The following CSNK1G1 variants were observed in gnomAD, a reference collection of about 807,000 sequenced individuals.
The protein encoded by CSNK1G1 is casein kinase I isoform gamma-1.
In CSNK1G1, 22 loss-of-function variants were observed where a neutral mutation model predicts 59.6. The observed-to-expected ratio is 0.37, with a 90% CI of 0.26 to 0.53. The LOEUF (loss-of-function observed/expected upper bound fraction) is 0.53. Among genes scored for constraint, CSNK1G1 ranks in the 20% least tolerant of loss-of-function variants. CSNK1G1 has a pLI of 0.89. For missense variants in CSNK1G1, 384 were observed against 519.5 expected, an observed-to-expected ratio of 0.74 and a Z score of 2.54; for synonymous variants, 179 against 177.1, an observed-to-expected ratio of 1.01 and a Z score of -0.08.
intron 2 of CSNK1G1, among the ~76,000 whole-genome samples, chr15:64,289,206 T>C (rs1306192485): frequency 6.7e-6 from 1 of 149,872 alleles, no homozygotes; most frequent in African/African-American, 2.5e-5. Flanking sequence ...AATTCCGGAA[T>C]TGTTTGGCAA....
At chr15:64,183,982 C>G (rs575913821) in intron 10 of CSNK1G1, among the ~76,000 whole-genome samples, 3 of 152,176 alleles carry the variant, frequency 2.0e-5, no homozygotes, top group Admixed American at 6.5e-5. Flanking sequence ...AGTGATCTGG[C>G]TGGTATTTTT....
At chr15:64,286,383 C>T (rs1894423270) in intron 2 of CSNK1G1, among the ~76,000 whole-genome samples, 2 of 151,748 alleles carry the variant, frequency 1.3e-5, no homozygotes, top group South Asian at 4.2e-4. Flanking sequence ...ATATTGTTAA[C>T]AATATATTGT....
intron 1 of CSNK1G1, among the ~76,000 whole-genome samples, chr15:64,330,066 A>G (rs998322465): frequency 1.4e-5 from 2 of 141,334 alleles, no homozygotes; most frequent in African/African-American, 5.3e-5. Flanking sequence ...CCAGGACCAG[A>G]TGGATTCACA....
At chr15:64,270,560 C>T (rs1199797405) in intron 2 of CSNK1G1, among the ~76,000 whole-genome samples, 3 of 152,026 alleles carry the variant, frequency 2.0e-5, no homozygotes, top group African/African-American at 7.3e-5. Context: ...GAGATCGAGA[C>T]CATCCTGGCC....
chr15:64,225,008 T>A (rs2033899789), intron 4 of CSNK1G1, among the ~76,000 whole-genome samples: 1 of 141,768 alleles, frequency 7.1e-6, no homozygotes, highest in South Asian at 2.2e-4. Flanking sequence ...ACACTTTTCT[T>A]TTTTTTTTTT....
In CSNK1G1 at chr15:64,326,085, C is replaced by A. The variant is rs75729821; in HGVS notation, c.-224-25362G>T. Among the ~76,000 whole-genome samples the A allele has an allele frequency of 1.9e-3, 288 of 152,320 alleles. 2 individuals are homozygous for A. Among genetic ancestry groups the A allele is most frequent in the East Asian group, 0.016 (83 of 5,176 alleles). On this transcript the variant is annotated intron_variant, in intron 1 of 11. Coordinates refer to ENST00000303052, the MANE Select transcript of CSNK1G1 (RefSeq NM_022048.5). ...TGTCACCCAGGCTAGAGCGAAGTGGCACAATCTTGGCTCATTGCAACCTCG... is the reference window on the plus strand; with the variant it reads ...TGTCACCCAGGCTAGAGCGAAGTGGAACAATCTTGGCTCATTGCAACCTCG...
intron 4 of CSNK1G1, among the ~76,000 whole-genome samples, chr15:64,230,702 G>C (rs967107328): frequency 1.3e-5 from 2 of 152,228 alleles, no homozygotes; most frequent in Admixed American, 6.5e-5. Context: ...GCCGGGTGCA[G>C]TGGCTCACGC....
At chr15:64,278,385 T>C (rs1039053697) in intron 2 of CSNK1G1, among the ~76,000 whole-genome samples, 4 of 112,056 alleles carry the variant, frequency 3.6e-5, no homozygotes, top group South Asian at 2.8e-4. Flanking sequence ...TGCGTGTGTG[T>C]GTGTGTGTGT....
At chr15:64,305,212 G>A (rs1027056970) in intron 1 of CSNK1G1, among the ~76,000 whole-genome samples, 3 of 151,998 alleles carry the variant, frequency 2.0e-5, no homozygotes, top group Admixed American at 1.3e-4. Flanking sequence ...ACCCTAACCT[G>A]ATGTTTAAAA....
chr15:64,218,601 C>T (rs2082343467), intron 4 of CSNK1G1, among the ~76,000 whole-genome samples: 2 of 151,888 alleles, frequency 1.3e-5, no homozygotes, highest in Admixed American at 6.6e-5. Flanking sequence ...GTTGGCCAGG[C>T]TGCTCTCGAA....
At chr15:64,186,282 A>G (rs1486730131) in intron 10 of CSNK1G1, among the ~76,000 whole-genome samples, 1 of 151,818 alleles carries the variant, frequency 6.6e-6, no homozygotes, top group African/African-American at 2.4e-5. Context: ...AATTTTTTAA[A>G]ATTACTTTTT....
intron 10 of CSNK1G1, among the ~76,000 whole-genome samples, chr15:64,193,372 A>G (rs181312316): frequency 2.8e-4 from 42 of 152,050 alleles, no homozygotes; most frequent in African/African-American, 9.6e-4. Flanking sequence ...GCACACCTGT[A>G]GTCCCAGCTA....
intron 1 of CSNK1G1, among the ~76,000 whole-genome samples, chr15:64,333,257 C>CAAAA (rs60857897): frequency 3.6e-4 from 6 of 16,508 alleles, no homozygotes; most frequent in Non-Finnish European, 4.8e-4. Context: ...GACTCCATCT[C>CAAAA]AAAAAAAAAA....
At chr15:64,352,412 C>T (rs1316767645) in intron 1 of CSNK1G1, among the ~76,000 whole-genome samples, 2 of 149,526 alleles carry the variant, frequency 1.3e-5, no homozygotes, top group Non-Finnish European at 3.0e-5. Context: ...CTTACCAAAA[C>T]TCTGTAACTA....
At chr15:64,180,604 C>T (rs1264898289) in intron 10 of CSNK1G1, 150 bp from the exon 11 acceptor site, 5 of 634,580 alleles carry the variant, frequency 7.9e-6, no homozygotes, top group African/African-American at 1.8e-5. Context: ...AGGCCCATAT[C>T]ATGCGAGAAC....
intron 4 of CSNK1G1, among the ~76,000 whole-genome samples, chr15:64,229,447 C>T (rs1425970353): frequency 6.6e-6 from 1 of 152,198 alleles, no homozygotes; most frequent in Non-Finnish European, 1.5e-5. Flanking sequence ...GGTGCCATGT[C>T]TCTCATGTAA....
chr15:64,263,949 C>T (rs925765548), intron 2 of CSNK1G1, among the ~76,000 whole-genome samples: 2 of 151,694 alleles, frequency 1.3e-5, no homozygotes, highest in East Asian at 1.9e-4. Context: ...TACTTCCACT[C>T]GGCAGTAAAT....
At chr15:64,321,079 A>T in intron 1 of CSNK1G1, among the ~76,000 whole-genome samples, 1 of 152,140 alleles carries the variant, frequency 6.6e-6, no homozygotes, top group Non-Finnish European at 1.5e-5. Context: ...GAATAGTATG[A>T]TTACTATTGG....
intron 3 of CSNK1G1, among the ~76,000 whole-genome samples, chr15:64,257,073 A>G (rs770154872): frequency 1.3e-5 from 2 of 151,996 alleles, no homozygotes; most frequent in Non-Finnish European, 2.9e-5. Context: ...GCCTGTAGAC[A>G]AAACTGTTAT....
Sources: gnomAD v4.1 joint callset for allele counts (sites outside exome capture counted in the v4.1 genomes callset) on GRCh38, gnomAD v4.1.1 for gene constraint, MANE v1.5 for transcripts, NCBI Gene and HGNC (gene_info 2026-07-23, HGNC 2026-07-21) for gene names.